RPS6KC1: variants seen among roughly 807,000 people sequenced by gnomAD.
RPS6KC1 encodes ribosomal protein S6 kinase C1, also known as inactive ribosomal protein S6 kinase delta-1.
RPS6KC1 carries 54 observed loss-of-function variants against 103.8 expected under a neutral mutation model. That is an observed-to-expected ratio of 0.52 (90% CI 0.42 to 0.65). The LOEUF (loss-of-function observed/expected upper bound fraction) is 0.65, where lower values mean the gene tolerates loss of function less well. Among genes scored for constraint, RPS6KC1 ranks in the 30% least tolerant of loss-of-function variants. RPS6KC1 has a pLI of 0.00. For synonymous variants in RPS6KC1, 439 were observed against 438.7 expected, an observed-to-expected ratio of 1.00 and a Z score of -0.01; for missense variants, 1,151 against 1,253.8, an observed-to-expected ratio of 0.92 and a Z score of 1.24.
the RPS6KC1 span, among the ~76,000 whole-genome samples, chr1:213,850,841 T>C: frequency 3.4e-4 from 51 of 151,928 alleles, no homozygotes; most frequent in African/African-American, 1.2e-3. Flanking sequence ...TGGATTCTCA[T>C]ACTTCCTTAA....
chr1:213,850,972 G>T, the RPS6KC1 span, among the ~76,000 whole-genome samples: 1 of 151,936 alleles, frequency 6.6e-6, no homozygotes, highest in Non-Finnish European at 1.5e-5. Flanking sequence ...TAGGTACAGG[G>T]GACTCCATGG....
downstream of RPS6KC1, among the ~76,000 whole-genome samples, chr1:213,276,587 G>A (rs573248614): frequency 6.6e-6 from 1 of 152,266 alleles, no homozygotes; most frequent in East Asian, 1.9e-4. Flanking sequence ...TTTTCAGAGT[G>A]AGCTAATTTG....
At chr1:213,062,041 G>C (rs1477770464) in intron 1 of RPS6KC1, among the ~76,000 whole-genome samples, 2 of 151,870 alleles carry the variant, frequency 1.3e-5, no homozygotes, top group Non-Finnish European at 2.9e-5. Flanking sequence ...GTTTCTAAAG[G>C]GGCTTATTTT....
the RPS6KC1 span, among the ~76,000 whole-genome samples, chr1:213,481,703 T>A: frequency 3.3e-5 from 5 of 152,220 alleles, no homozygotes; most frequent in African/African-American, 1.2e-4. Context: ...GCCGATTTTG[T>A]TGCTGTTGCT....
At chr1:213,789,184 T>C in the RPS6KC1 span, among the ~76,000 whole-genome samples, 54 of 152,064 alleles carry the variant, frequency 3.6e-4, no homozygotes, top group Admixed American at 2.9e-3. Flanking sequence ...GATTGTGTAG[T>C]TTTTTCCTGT....
the RPS6KC1 span, among the ~76,000 whole-genome samples, chr1:213,600,979 T>A: frequency 6.6e-6 from 1 of 152,208 alleles, no homozygotes; most frequent in Non-Finnish European, 1.5e-5. Flanking sequence ...ACAGTGGGGC[T>A]TGCCTGTGAA....
the RPS6KC1 span, among the ~76,000 whole-genome samples, chr1:213,748,281 C>T: frequency 2.0e-5 from 3 of 152,194 alleles, no homozygotes; most frequent in Non-Finnish European, 4.4e-5. Flanking sequence ...TCTAGGGTCT[C>T]TTTCCTCTTT....
chr1:213,093,773 A>G lies in RPS6KC1; in HGVS notation c.263-10681A>G, dbSNP rs554446796. 9.7e-4 allele frequency among the ~76,000 whole-genome samples: 148 copies of G among 152,254 alleles called. 1 individual carries two copies. Among genetic ancestry groups the G allele is most frequent in the African/African-American group, 3.4e-3 (143 of 41,550 alleles). On this transcript the variant is annotated intron_variant, in intron 3 of 14. Coordinates refer to ENST00000366960, the MANE Select transcript of RPS6KC1 (RefSeq NM_012424.6). Reference sequence around the variant, plus strand: ...AGGATAATACCTTACTGTTCTAACAATTATATCTGTATAATATTTAGCTCC... The same window carrying G: ...AGGATAATACCTTACTGTTCTAACAGTTATATCTGTATAATATTTAGCTCC...
At chr1:213,735,516 G>A in the RPS6KC1 span, among the ~76,000 whole-genome samples, 4 of 152,212 alleles carry the variant, frequency 2.6e-5, no homozygotes, top group African/African-American at 7.2e-5. Context: ...AAGGAACTAT[G>A]AGGTTGGCCT....
the RPS6KC1 span, among the ~76,000 whole-genome samples, chr1:213,445,576 G>A: frequency 6.6e-6 from 1 of 152,204 alleles, no homozygotes; most frequent in East Asian, 1.9e-4. Flanking sequence ...GGGACTTAGA[G>A]TGCAGGAAGC....
chr1:213,187,250 CTT>C (rs758725965), intron 8 of RPS6KC1, among the ~76,000 whole-genome samples: 31 of 135,020 alleles, frequency 2.3e-4, no homozygotes, highest in Admixed American at 3.0e-4. Flanking sequence ...TCTTCTTCTT[CTT>C]TTTTTTTTTT....
chr1:213,354,614 C>A, the RPS6KC1 span, among the ~76,000 whole-genome samples: 1 of 152,260 alleles, frequency 6.6e-6, no homozygotes, highest in South Asian at 2.1e-4. Flanking sequence ...TGGTGAGGGC[C>A]TTCTTGCTGG....
At chr1:213,264,193 T>C (rs1284187625) in intron 14 of RPS6KC1, among the ~76,000 whole-genome samples, 11 of 152,148 alleles carry the variant, frequency 7.2e-5, no homozygotes. Context: ...GTAAACAGTT[T>C]AGAGTTGTAC....
At chr1:213,327,360 C>CACAACCAA in the RPS6KC1 span, among the ~76,000 whole-genome samples, 223 of 152,276 alleles carry the variant, frequency 1.5e-3, no homozygotes, top group Middle Eastern at 6.8e-3. Flanking sequence ...GTTGTTCATA[C>CACAACCAA]ACAACCAAGG....
chr1:213,607,688 T>TACAC, the RPS6KC1 span, among the ~76,000 whole-genome samples: 62,374 of 140,600 alleles, frequency 0.44, 14,994 homozygotes, highest in Non-Finnish European at 0.56. Context: ...CAGTTGCAAT[T>TACAC]ACACACACAC....
chr1:213,460,868 G>A, the RPS6KC1 span, among the ~76,000 whole-genome samples: 1 of 152,148 alleles, frequency 6.6e-6, no homozygotes, highest in Non-Finnish European at 1.5e-5. Context: ...GGCTGGATAT[G>A]AAATTCTGGG....
At chr1:213,258,127 G>A (rs2094695836) in intron 12 of RPS6KC1, among the ~76,000 whole-genome samples, 1 of 152,026 alleles carries the variant, frequency 6.6e-6, no homozygotes, top group South Asian at 2.1e-4. Context: ...GACTACAGAT[G>A]CGCGCCACTA....
the RPS6KC1 span, among the ~76,000 whole-genome samples, chr1:213,452,866 G>A: frequency 2.4e-4 from 37 of 152,274 alleles, no homozygotes; most frequent in Admixed American, 4.6e-4. Context: ...TTTCTACTTG[G>A]CTTTGGAATG....
At chr1:213,247,783 T>G (rs1437770515) in intron 12 of RPS6KC1, among the ~76,000 whole-genome samples, 1 of 152,148 alleles carries the variant, frequency 6.6e-6, no homozygotes. Context: ...TACTCAAAAT[T>G]GAAGTTCATC....
Sources: gnomAD v4.1 joint callset for allele counts (sites outside exome capture counted in the v4.1 genomes callset) on GRCh38, gnomAD v4.1.1 for gene constraint, MANE v1.5 for transcripts, NCBI Gene and HGNC (gene_info 2026-07-23, HGNC 2026-07-21) for gene names.